The following GTF3C2 variants were observed in gnomAD, a reference collection of about 807,000 sequenced individuals.
The protein encoded by GTF3C2 is general transcription factor IIIC subunit 2, also known as general transcription factor 3C polypeptide 2.
A neutral mutation model predicts 117.4 loss-of-function variants in GTF3C2; 17 were observed. The ratio of observed to expected loss-of-function variants is 0.14; its 90% CI spans 0.10 to 0.22. The LOEUF (loss-of-function observed/expected upper bound fraction) is 0.22, where lower values mean the gene tolerates loss of function less well. Ranked by LOEUF, GTF3C2 falls within the 10% of genes least tolerant of loss-of-function variation. GTF3C2 has a pLI of 1.00. For missense variants in GTF3C2, 888 were observed against 1,143.6 expected (o/e 0.78, Z 3.22); for synonymous variants, 437 against 427.0 (o/e 1.02, Z -0.29).
At chr2:27,328,720 G>T (rs1459175021) in intron 15 of GTF3C2, 124 bp from the exon 16 acceptor site, 6 of 1,064,538 alleles carry the variant, frequency 5.6e-6, no homozygotes, top group Non-Finnish European at 7.1e-6. Flanking sequence ...CGACAGCCCT[G>T]ATGATAGAGT....
In GTF3C2 at chr2:27,329,289, A is replaced by T; in HGVS notation, c.1878-7T>A. 1 of 1,614,158 alleles carries T rather than the reference A, an allele frequency of 6.2e-7. No homozygotes were observed. Among genetic ancestry groups the T allele is most frequent in the Non-Finnish European group, 8.5e-7 (1 of 1,180,012 alleles). ...CGCAGAGACAAGGAAATGGCTGTAA[A>T]AAGACGGGAGAAGGTCAAATCCAAA... is the stretch of plus-strand genomic sequence containing the variant. On this transcript the variant is annotated splice_region_variant and splice_polypyrimidine_tract_variant and intron_variant, in intron 13 of 18. Transcript: ENST00000264720. This position sits in a 1 kb window ranked among gnomAD's most constrained non-coding sequence, Gnocchi z 4.5.
At chr2:27,328,865 A>G (rs1425330067) in exon 15 of GTF3C2, 2 of 1,612,962 alleles carry the variant, frequency 1.2e-6, no homozygotes, top group South Asian at 1.1e-5. Flanking sequence ...CTTTTCGAGG[A>G]GCAGTGAAGT....
chr2:27,330,538 A>T (rs936787580), intron 12 of GTF3C2, among the ~76,000 whole-genome samples: 1 of 152,154 alleles, frequency 6.6e-6, no homozygotes, highest in African/African-American at 2.4e-5. Flanking sequence ...AGTCAAAAGC[A>T]ACACAATGTT....
At chr2:27,339,068 G>A (rs530724034) in intron 4 of GTF3C2, among the ~76,000 whole-genome samples, 67 of 152,252 alleles carry the variant, frequency 4.4e-4, no homozygotes, top group African/African-American at 1.5e-3. Flanking sequence ...GTTGTGGCAA[G>A]CCATATTAGA....
chr2:27,337,868 C>A lies in GTF3C2; in HGVS notation c.950+58G>T, dbSNP rs1268941668. On this transcript the variant is annotated intron_variant, in intron 5 of 18. Transcript: ENST00000264720. Reference sequence around the variant, plus strand: ...TTCCCACGGCCCCACTTCAATACCGCCCTTGCACTCCTCTACCACCCCTTT... The same window carrying A: ...TTCCCACGGCCCCACTTCAATACCGACCTTGCACTCCTCTACCACCCCTTT... 3.1e-6 allele frequency: 3 copies of A among 976,792 alleles called. No individual in the cohort carries two copies. The Admixed American group carries it at 5.1e-5, about 16-fold the overall frequency. 60.5% of individuals were successfully genotyped at this position (976,792 alleles called of 1,614,324 possible).
chr2:27,333,248 C>T (rs926197627), intron 12 of GTF3C2, among the ~76,000 whole-genome samples: 3 of 147,662 alleles, frequency 2.0e-5, no homozygotes, highest in East Asian at 2.0e-4. Flanking sequence ...GAAACCTATG[C>T]TTCCTGGGTT....
At chr2:27,325,906 G>C (rs1680058579) in exon 19 of GTF3C2, 1 of 178,744 alleles carries the variant, frequency 5.6e-6, no homozygotes, top group South Asian at 1.1e-4. Flanking sequence ...ACACATGATA[G>C]CTATGGTTAA....
chr2:27,338,107 T>C, intron 4 of GTF3C2, 87 bp from the exon 5 acceptor site: 1 of 829,422 alleles, frequency 1.2e-6, no homozygotes, highest in Non-Finnish European at 2.1e-6. Context: ...AGTTTTTATC[T>C]TCTTTGGCAA....
At chr2:27,338,910 C>G (rs1475855127) in intron 4 of GTF3C2, among the ~76,000 whole-genome samples, 2 of 152,112 alleles carry the variant, frequency 1.3e-5, no homozygotes, top group Non-Finnish European at 2.9e-5. Context: ...TCAAGCAATC[C>G]TCTTGCCTCA....
At chr2:27,334,119 G>A (rs943228812) in intron 10 of GTF3C2, 120 bp from the exon 11 acceptor site, 13 of 743,424 alleles carry the variant, frequency 1.7e-5, no homozygotes, top group African/African-American at 1.6e-4. Flanking sequence ...TCCAACTCCT[G>A]GGCTCAAGCA....
At chr2:27,343,198 A>G in intron 2 of GTF3C2, 51 bp from the exon 3 acceptor site, 3 of 1,502,380 alleles carry the variant, frequency 2.0e-6, no homozygotes, top group Non-Finnish European at 2.7e-6. Context: ...TCAAACCTCT[A>G]TGGAAAAGAT....
rs769217589 is a variant in GTF3C2 at position 27,343,467 on chromosome 2, C to T, written c.88G>A (p.Val30Met). Residue 30 changes from valine (V) to methionine (M), a missense_variant, in exon 2 of 19, where the codon GTG becomes ATG. This residue lies in a region of GTF3C2 where 393 missense variants were observed against 401.5 expected (regional missense o/e 0.98). Transcript: ENST00000264720. Reference sequence around the variant, plus strand: ...GTCTTGACATCAAGCTGATTTAGCACCTCTTGTCCAGGAGAGTCTACCACA... The same window carrying T: ...GTCTTGACATCAAGCTGATTTAGCATCTCTTGTCCAGGAGAGTCTACCACA... 9 of 1,614,040 alleles carry T rather than the reference C, an allele frequency of 5.6e-6. No individual in the cohort carries two copies. In the South Asian group the frequency reaches 9.9e-5, roughly 18 times the overall value.
chr2:27,333,790 G>A lies in GTF3C2; in HGVS notation c.1603-6C>T. The A allele has an allele frequency of 6.2e-7, 1 of 1,601,578 alleles. No individual in the cohort carries two copies. Among genetic ancestry groups the A allele is most frequent in the Non-Finnish European group, 8.5e-7 (1 of 1,173,644 alleles). On this transcript the variant is annotated splice_region_variant and splice_polypyrimidine_tract_variant and intron_variant, in intron 11 of 18. Transcript: ENST00000264720. ...AGAGTTGCCACACATTGTACCTGCA[G>A]GGAAAGAAGAGATGGGACTAGGGTT...
In GTF3C2 at chr2:27,326,896, G is replaced by A. The variant is rs1163029302; in HGVS notation, c.2518-3C>T. Reference sequence around the variant, plus strand: ...TCCAGGTTTGGGCTGAAACGTACCTGTGAAGAGAACAGAAAACAAGAGAGA... The same window carrying A: ...TCCAGGTTTGGGCTGAAACGTACCTATGAAGAGAACAGAAAACAAGAGAGA... On this transcript the variant is annotated splice_polypyrimidine_tract_variant and splice_region_variant and intron_variant, in intron 18 of 18. Coordinates refer to ENST00000264720, the Ensembl canonical transcript of GTF3C2. 1 of 1,592,286 alleles carries A rather than the reference G, an allele frequency of 6.3e-7. No individual in the cohort carries two copies. Among genetic ancestry groups the A allele is most frequent in the East Asian group, 2.2e-5 (1 of 44,736 alleles).
chr2:27,332,517 C>A (rs1680312488), intron 12 of GTF3C2, among the ~76,000 whole-genome samples: 1 of 151,932 alleles, frequency 6.6e-6, no homozygotes. Flanking sequence ...CGGGTTCACG[C>A]CATTCTCCTG....
At chr2:27,337,793 CT>C (rs1680548036) in intron 5 of GTF3C2, 132 bp downstream of exon 5, 1 of 725,270 alleles carries the variant, frequency 1.4e-6, no homozygotes, top group African/African-American at 1.8e-5. Flanking sequence ...TAGAGCAGTG[CT>C]TTTTAGTAAT....
At chr2:27,356,010 G>A (rs539588152) in intron 1 of GTF3C2, 3 of 878,744 alleles carry the variant, frequency 3.4e-6, no homozygotes, top group East Asian at 1.2e-4. Context: ...CAATTGATAA[G>A]AGATTGCAAA....
chr2:27,327,718 C>T (rs910177832), intron 17 of GTF3C2, among the ~76,000 whole-genome samples: 2 of 150,394 alleles, frequency 1.3e-5, no homozygotes, highest in African/African-American at 4.9e-5. Flanking sequence ...ATCTCCACCT[C>T]CTGGGTTCAA....
At chr2:27,333,530 T>C (rs541259352) in intron 12 of GTF3C2, 125 bp downstream of exon 12, 2 of 628,470 alleles carry the variant, frequency 3.2e-6, no homozygotes, top group African/African-American at 1.9e-5. Flanking sequence ...TTTTTTTTTT[T>C]ACATTGCTTG....
Sources: gnomAD v4.1 joint callset for allele counts (sites outside exome capture counted in the v4.1 genomes callset) on GRCh38, gnomAD v4.1.1 for gene constraint, gnomAD v4.1.1 regional missense constraint, Gnocchi (gnomAD v3.1) non-coding constraint, MANE v1.5 for transcripts, NCBI Gene and HGNC (gene_info 2026-07-23, HGNC 2026-07-21) for gene names.